The following MDM2 variants were observed in gnomAD, a reference collection of about 807,000 sequenced individuals.
MDM2 encodes the protein MDM2 proto-oncogene, also known as E3 ubiquitin-protein ligase Mdm2.
MDM2 carries 11 observed loss-of-function variants against 64.3 expected under a neutral mutation model. That is an observed-to-expected ratio of 0.17 (90% CI 0.11 to 0.28). The LOEUF is 0.28. Among genes scored for constraint, MDM2 ranks in the 10% least tolerant of loss-of-function variants. The probability of loss-of-function intolerance (pLI) is 1.00; values close to 1 mark genes in which losing one functional copy is unlikely to be tolerated. For synonymous variants in MDM2, 194 were observed against 192.9 expected, an observed-to-expected ratio of 1.01 and a Z score of -0.05; for missense variants, 388 against 577.1, an observed-to-expected ratio of 0.67 and a Z score of 3.36.
downstream of MDM2, chr12:68,848,185 TTTTG>T (rs1400717053): frequency 3.3e-5 from 5 of 152,196 alleles, no homozygotes; most frequent in Admixed American, 6.5e-5. Context: ...GATTGTGATT[TTTTG>T]TTTGTTTTTT....
At position 68,813,580 on chromosome 12, in the gene MDM2, G is replaced by C. The variant is rs1881099374; in HGVS notation, c.126G>C (p.Lys42Asn). The C allele has an allele frequency of 6.2e-7, 1 of 1,613,460 alleles. No individual in the cohort carries two copies. Among genetic ancestry groups the C allele is most frequent in the South Asian group, 1.1e-5 (1 of 91,036 alleles). The change falls in exon 3 of 11, where the codon AAG becomes AAC. Residue 42 changes from lysine (K) to asparagine (N), a missense_variant. By Grantham distance (94) the Lys-to-Asn change is moderately conservative. Around this residue, in one of 5 missense-constraint regions of MDM2, gnomAD observed 24 missense variants for 87.8 expected, o/e 0.27. Coordinates refer to ENST00000258149, the MANE Select transcript of MDM2 (RefSeq NM_002392.6). ...TLVRPKPLLL[K>N]LLKSVGAQKD... is the part of the protein sequence containing the mutation. Reference sequence around the variant, plus strand: ...TTAGACCAAAGCCATTGCTTTTGAAGTTATTAAAGTCTGTTGGTGCACAAA... The same window carrying C: ...TTAGACCAAAGCCATTGCTTTTGAACTTATTAAAGTCTGTTGGTGCACAAA...
intron 5 of MDM2, among the ~76,000 whole-genome samples, chr12:68,822,885 T>C (rs1144946): frequency 0.99 from 150,609 of 152,082 alleles, 74,578 homozygotes; most frequent in East Asian, 1. Context: ...GGATTACAGG[T>C]GCCTGCCACC....
At chr12:68,813,726 T>G in intron 3 of MDM2, 98 bp downstream of exon 3, 2 of 684,154 alleles carry the variant, frequency 2.9e-6, no homozygotes, top group Non-Finnish European at 5.0e-6. Flanking sequence ...TATAGAAGGA[T>G]TTTTCATTAA....
rs1883991788 is a variant in MDM2 at position 68,843,546 on chromosome 12, T to A, written c.*3697T>A. ...TAAATATGAATCTTAAGCAAAACAG[T>A]GAAAATAACCATCTTGATTTAGTGT... On this transcript the variant is annotated 3_prime_UTR_variant, in exon 11 of 11. Transcript: ENST00000258149. 4.4e-6 allele frequency: 1 copy of A among 226,742 alleles called. No homozygotes were observed. Among genetic ancestry groups the A allele is most frequent in the Admixed American group, 5.7e-5 (1 of 17,530 alleles). 14.0% of individuals were successfully genotyped at this position (226,742 alleles called of 1,614,324 possible). A position where few individuals can be genotyped will look rare whatever the true frequency, so the allele number is the denominator to read the frequency against.
At chr12:68,823,118 C>G (rs1209407282) in intron 5 of MDM2, among the ~76,000 whole-genome samples, 1 of 152,116 alleles carries the variant, frequency 6.6e-6, no homozygotes, top group African/African-American at 2.4e-5. Context: ...ACAATATAAC[C>G]TATTATGTAC....
Position 68,840,019 on chromosome 12 carries a change from A to G in MDM2, c.*170A>G, listed in dbSNP as rs1592603101. Reference sequence around the variant, plus strand: ...GGTAGTGGAATAGTGAATACTTACTATAATTTGACTTGAATATGTAGCTCA... The same window carrying G: ...GGTAGTGGAATAGTGAATACTTACTGTAATTTGACTTGAATATGTAGCTCA... On this transcript the variant is annotated 3_prime_UTR_variant, in exon 11 of 11. Coordinates refer to ENST00000258149, the MANE Select transcript of MDM2 (RefSeq NM_002392.6). 4 of 586,462 alleles carry G rather than the reference A, an allele frequency of 6.8e-6. No individual in the cohort carries two copies. The Admixed American group carries it at 1.0e-4, about 15-fold the overall frequency. The allele number at this position is 586,462 out of a possible 1,614,324, so 36.3% of individuals were successfully genotyped here. A position where few individuals can be genotyped will look rare whatever the true frequency, so the allele number is the denominator to read the frequency against.
At chr12:68,819,889 C>T (rs1043744249) in intron 4 of MDM2, among the ~76,000 whole-genome samples, 2 of 152,172 alleles carry the variant, frequency 1.3e-5, no homozygotes, top group African/African-American at 4.8e-5. Context: ...TTGCGTAACT[C>T]AATAGTTTTT....
At chr12:68,832,209 A>G (rs947604917) in intron 8 of MDM2, among the ~76,000 whole-genome samples, 8 of 152,048 alleles carry the variant, frequency 5.3e-5, no homozygotes, top group African/African-American at 9.7e-5. Context: ...GTCATCATTC[A>G]CCAGTTTGTG....
intron 5 of MDM2, among the ~76,000 whole-genome samples, chr12:68,822,069 A>G (rs1565737466): frequency 6.6e-6 from 1 of 152,098 alleles, no homozygotes; most frequent in Non-Finnish European, 1.5e-5. Context: ...TGCCCAGGCT[A>G]GTCTTGACCT....
intron 8 of MDM2, among the ~76,000 whole-genome samples, chr12:68,833,149 A>AATATATATATATATATATATATATATAT: frequency 1.5e-5 from 1 of 65,976 alleles, no homozygotes; most frequent in African/African-American, 6.1e-5. Flanking sequence ...AAAAAAAAAA[A>AATATATATATATATATATATATATATAT]ATATATATAT....
intron 2 of MDM2, among the ~76,000 whole-genome samples, chr12:68,811,494 T>G: frequency 6.6e-6 from 1 of 152,150 alleles, no homozygotes; most frequent in Non-Finnish European, 1.5e-5. Context: ...GTAATTTACC[T>G]TCTTGTTCTT....
At chr12:68,810,551 C>T (rs183948466) in intron 2 of MDM2, among the ~76,000 whole-genome samples, 8 of 151,034 alleles carry the variant, frequency 5.3e-5, no homozygotes, top group Admixed American at 4.0e-4. Context: ...AATCTCCGTT[C>T]CCCGGGTTCA....
At chr12:68,830,522 A>G (rs548037175) in intron 8 of MDM2, among the ~76,000 whole-genome samples, 3 of 152,270 alleles carry the variant, frequency 2.0e-5, no homozygotes, top group East Asian at 3.9e-4. Context: ...GTGGTAGTCA[A>G]GGTAGATATG....
chr12:68,828,611 A>G, intron 7 of MDM2, 160 bp from the exon 8 acceptor site: 3 of 597,382 alleles, frequency 5.0e-6, no homozygotes, highest in African/African-American at 1.9e-5. Flanking sequence ...AAATACACAC[A>G]GATAGTGTTC....
At chr12:68,829,038 T>TA (rs1882583348) in intron 8 of MDM2, 107 bp downstream of exon 8, 1 of 1,124,170 alleles carries the variant, frequency 8.9e-7, no homozygotes, top group Admixed American at 2.3e-5. Flanking sequence ...ACGAGATTGA[T>TA]AGAAAACACA....
At position 68,808,218 on chromosome 12, in the gene MDM2, G is replaced by A. The variant is rs1880521891; in HGVS notation, c.-260G>A. 2 of 540,228 alleles carry A rather than the reference G, an allele frequency of 3.7e-6. No homozygotes were observed. Among genetic ancestry groups the A allele is most frequent in the South Asian group, 2.3e-5 (1 of 43,822 alleles). 33.5% of individuals were successfully genotyped at this position (540,228 alleles called of 1,614,324 possible). The stretch of plus-strand genomic sequence containing the variant: ...ACCGCGGCGAGCTTGGCTGCTTCTG[G>A]GGCCTGTGTGGCCCTGTGTGTCGGA... On this transcript the variant is annotated 5_prime_UTR_variant, in exon 1 of 11. Coordinates refer to ENST00000258149, the MANE Select transcript of MDM2 (RefSeq NM_002392.6).
intron 9 of MDM2, 197 bp from the exon 10 acceptor site, chr12:68,836,475 T>C (rs1418328126): frequency 2.1e-6 from 1 of 468,268 alleles, no homozygotes; most frequent in Admixed American, 3.7e-5. Flanking sequence ...TCCTTTGTAT[T>C]GACTTTTACC....
At chr12:68,815,433 CTTTTTTTTTTTT>C (rs58178593) in intron 3 of MDM2, among the ~76,000 whole-genome samples, 1 of 93,090 alleles carries the variant, frequency 1.1e-5, no homozygotes, top group Non-Finnish European at 2.0e-5. Flanking sequence ...GTTTCTTCTT[CTTTTTTTTTTTT>C]TTTTTTTTTT....
In MDM2 at chr12:68,839,269, T is replaced by G. The variant is rs781702537; in HGVS notation, c.919-5T>G. ...AAACTGACTGTGTGTCTTATTTCAT[T>G]GAAGGACTATTGGAAATGCACTTCA... On this transcript the variant is annotated splice_polypyrimidine_tract_variant and splice_region_variant and intron_variant, in intron 10 of 10. Coordinates refer to ENST00000258149, the MANE Select transcript of MDM2 (RefSeq NM_002392.6). 6.2e-7 allele frequency: 1 copy of G among 1,608,032 alleles called. No individual in the cohort carries two copies. The highest frequency in any genetic ancestry group is 1.1e-5 in the South Asian group (1 of 90,082).
Sources: gnomAD v4.1 joint callset for allele counts (sites outside exome capture counted in the v4.1 genomes callset) on GRCh38, gnomAD v4.1.1 for gene constraint, gnomAD v4.1.1 regional missense constraint, MANE v1.5 for transcripts, NCBI Gene and HGNC (gene_info 2026-07-23, HGNC 2026-07-21) for gene names.